The following GLMN variants were observed in gnomAD, a reference collection of about 807,000 sequenced individuals.
The protein encoded by GLMN is glomulin, FKBP associated protein.
Under a neutral mutation model 87.8 loss-of-function variants are expected in GLMN, and 75 were observed. The observed-to-expected ratio is 0.85, with a 90% CI of 0.71 to 1.04. The LOEUF is 1.04. GLMN is among the 50% of genes least tolerant of loss of function. The pLI, the probability that GLMN is intolerant of heterozygous loss-of-function variation, is 0.00. For synonymous variants in GLMN, 206 were observed against 221.6 expected, an observed-to-expected ratio of 0.93 and a Z score of 0.63; for missense variants, 588 against 658.8, an observed-to-expected ratio of 0.89 and a Z score of 1.18.
intron 7 of GLMN, among the ~76,000 whole-genome samples, chr1:92,283,162 G>A (rs979548762): frequency 1.2e-4 from 18 of 152,166 alleles, no homozygotes; most frequent in Non-Finnish European, 2.2e-4. Context: ...AAGCCTGGCA[G>A]AGACACAACA....
Position 92,267,463 on chromosome 1 carries a change from G to A in GLMN, c.1098+450C>T, listed in dbSNP as rs150443055. ...TCACACCTGTAATCCCAGCACTTTG[G>A]GGGGCTGAGGCAGGCTGATCACGAA... On this transcript the variant is annotated intron_variant, in intron 11 of 18. Coordinates refer to ENST00000370360, the MANE Select transcript of GLMN (RefSeq NM_053274.3). Among the ~76,000 whole-genome samples, 1,101 of 152,224 alleles carry A rather than the reference G, an allele frequency of 7.2e-3. 14 individuals carry two copies. Among genetic ancestry groups the A allele is most frequent in the African/African-American group, 0.025 (1,048 of 41,538 alleles).
At chr1:92,302,637 T>C (rs1261916827), upstream of GLMN, among the ~76,000 whole-genome samples, 2 of 128,456 alleles carry the variant, frequency 1.6e-5, no homozygotes, top group Non-Finnish European at 3.2e-5. Context: ...AGCCTCACTC[T>C]GTCGCCCAGG....
In GLMN at chr1:92,298,774, A is replaced by G. The variant is rs1172508850; in HGVS notation, c.-31+151T>C. Among the ~76,000 whole-genome samples, 6 of 152,030 alleles carry G rather than the reference A, an allele frequency of 3.9e-5. No homozygotes were observed. In the East Asian group the frequency reaches 9.8e-4, roughly 25 times the overall value. On this transcript the variant is annotated intron_variant, in intron 1 of 18. Coordinates refer to ENST00000370360, the MANE Select transcript of GLMN (RefSeq NM_053274.3). ...CCCCAGCGCGCGTGCGGGCTGCATC[A>G]GAGGAAGCCATGTCTTCCGATTCCT...
At chr1:92,281,647 A>T (rs1327296827) in intron 7 of GLMN, among the ~76,000 whole-genome samples, 3 of 152,246 alleles carry the variant, frequency 2.0e-5, no homozygotes, top group Non-Finnish European at 4.4e-5. Flanking sequence ...AATGGGCTAA[A>T]TGCTCCAATT....
the GLMN span, chr1:92,324,056 C>T: frequency 6.2e-7 from 1 of 1,613,858 alleles, no homozygotes; most frequent in South Asian, 1.1e-5. Flanking sequence ...GAGTGGAAGA[C>T]AGAAGAAACA....
At chr1:92,365,972 C>T in the GLMN span, among the ~76,000 whole-genome samples, 2 of 152,082 alleles carry the variant, frequency 1.3e-5, no homozygotes, top group Non-Finnish European at 2.9e-5. Flanking sequence ...ACCAACAAGT[C>T]AGTCTCATAA....
At chr1:92,259,883 G>A (rs1468745246) in intron 16 of GLMN, among the ~76,000 whole-genome samples, 7 of 151,570 alleles carry the variant, frequency 4.6e-5, no homozygotes, top group African/African-American at 9.7e-5. Flanking sequence ...ATAGGCACCC[G>A]CCACCATGCC....
the GLMN span, among the ~76,000 whole-genome samples, chr1:92,316,677 A>C: frequency 6.6e-6 from 1 of 152,206 alleles, no homozygotes; most frequent in Non-Finnish European, 1.5e-5. Flanking sequence ...TCTTCAGGAC[A>C]ACAAAAATTG....
At chr1:92,317,235 G>A in the GLMN span, among the ~76,000 whole-genome samples, 1 of 152,110 alleles carries the variant, frequency 6.6e-6, no homozygotes, top group Non-Finnish European at 1.5e-5. Flanking sequence ...AAGGCTCGGT[G>A]CGGTGGCTCA....
chr1:92,331,489 T>C, the GLMN span, among the ~76,000 whole-genome samples: 1 of 152,192 alleles, frequency 6.6e-6, no homozygotes, highest in African/African-American at 2.4e-5. Context: ...TTTTATATAC[T>C]CTTTTACTGA....
At chr1:92,297,892 T>C in intron 2 of GLMN, 69 bp downstream of exon 2, 1 of 835,734 alleles carries the variant, frequency 1.2e-6, no homozygotes, top group Non-Finnish European at 2.1e-6. Flanking sequence ...ACCACAAATA[T>C]AATTAAAAAC....
intron 2 of GLMN, chr1:92,297,732 A>C: frequency 1.6e-6 from 1 of 632,778 alleles, no homozygotes; most frequent in Admixed American, 3.0e-5. Flanking sequence ...CTACTGTACC[A>C]GTGAAATCTA....
intron 3 of GLMN, among the ~76,000 whole-genome samples, chr1:92,295,180 C>T (rs1649888677): frequency 6.6e-6 from 1 of 152,212 alleles, no homozygotes; most frequent in Non-Finnish European, 1.5e-5. Context: ...TTCCCTTTTC[C>T]TTCTGCCTCA....
chr1:92,289,783 C>T (rs1398028322), intron 5 of GLMN, among the ~76,000 whole-genome samples: 2 of 152,124 alleles, frequency 1.3e-5, no homozygotes, highest in Non-Finnish European at 2.9e-5. Context: ...CCCAATCCAA[C>T]CTCCCAAAGC....
chr1:92,286,359 CTTT>C, intron 7 of GLMN, 128 bp downstream of exon 7: 1 of 458,238 alleles, frequency 2.2e-6, no homozygotes, highest in Non-Finnish European at 3.9e-6. Context: ...TATTTTCCAT[CTTT>C]TGTTTATGTG....
the GLMN span, among the ~76,000 whole-genome samples, chr1:92,322,775 G>T: frequency 4.0e-5 from 6 of 151,676 alleles, no homozygotes; most frequent in East Asian, 1.2e-3. Context: ...TACTTGGGAG[G>T]CCGAGGTGGG....
chr1:92,307,220 T>G, the GLMN span: 7 of 1,612,154 alleles, frequency 4.3e-6, no homozygotes, highest in African/African-American at 1.3e-5. Context: ...ATCAAGCATC[T>G]AAGTTTTTTG....
chr1:92,293,442 G>C (rs946922697), intron 3 of GLMN, among the ~76,000 whole-genome samples: 1 of 151,858 alleles, frequency 6.6e-6, no homozygotes, highest in Non-Finnish European at 1.5e-5. Flanking sequence ...AGTAGCTGGG[G>C]CTACAGGTGC....
At chr1:92,342,853 C>T in the GLMN span, among the ~76,000 whole-genome samples, 1 of 152,096 alleles carries the variant, frequency 6.6e-6, no homozygotes, top group Non-Finnish European at 1.5e-5. Context: ...AGGAGTGTCA[C>T]ACCATCCTTA....
Sources: allele counts gnomAD v4.1 joint callset (sites outside exome capture counted in the v4.1 genomes callset), GRCh38; gene constraint gnomAD v4.1.1; transcripts MANE v1.5; gene names NCBI Gene and HGNC (gene_info 2026-07-23, HGNC 2026-07-21).